The following TIMELESS variants were observed in gnomAD, a reference collection of about 807,000 sequenced individuals.
The protein encoded by TIMELESS is timeless circadian regulator, also known as protein timeless homolog.
Under a neutral mutation model 164.3 loss-of-function variants are expected in TIMELESS, and 124 were observed. The observed-to-expected ratio is 0.75, with a 90% CI of 0.65 to 0.88. The LOEUF is 0.88. TIMELESS is among the 40% of genes least tolerant of loss of function. The probability of loss-of-function intolerance (pLI) is 0.00; values close to 1 mark genes in which losing one functional copy is unlikely to be tolerated. For synonymous variants in TIMELESS, 564 were observed against 563.4 expected, an observed-to-expected ratio of 1.00 and a Z score of -0.02; for missense variants, 1,422 against 1,491.4, an observed-to-expected ratio of 0.95 and a Z score of 0.77.
In TIMELESS at chr12:56,421,994, G is replaced by A. The variant is rs567693904; in HGVS notation, c.2547C>T (p.Ile849=). The A allele has an allele frequency of 4.3e-6, 7 of 1,614,190 alleles. No individual in the cohort carries two copies. The Admixed American group carries it at 1.0e-4, about 23-fold the overall frequency. The stretch of plus-strand genomic sequence containing the variant: ...GAGGAACAGTATTCAGGTGGGCCAA[G>A]ATGGCTTCCACCACATCCTGCCCTG... ...DVEGQDVVEA[I]LAHLNTVPRT... The change falls in exon 21 of 29, where the codon ATC becomes ATT. Residue 849 remains isoleucine (I), a synonymous_variant. Coordinates refer to ENST00000553532, the MANE Select transcript of TIMELESS (RefSeq NM_003920.5).
In TIMELESS at chr12:56,421,489, G is replaced by A. The variant is rs764532238; in HGVS notation, c.2730C>T (p.Val910=). The change falls in exon 23 of 29, where the codon GTC becomes GTT. Residue 910 remains valine (V), a synonymous_variant. Transcript: ENST00000553532. ...LFEEFRDSDD[V]LGHIMKNITA... ...TGATATTCTTCATGATATGACCCAG[G>A]ACATCTATAAAAAGCAAGCATGTGA... 1.9e-6 allele frequency: 3 copies of A among 1,610,108 alleles called. No individual in the cohort carries two copies. Among genetic ancestry groups the A allele is most frequent in the Middle Eastern group, 3.3e-4 (2 of 6,046 alleles).
chr12:56,441,705 A>C (rs1868276177), intron 1 of TIMELESS, among the ~76,000 whole-genome samples: 1 of 151,046 alleles, frequency 6.6e-6, no homozygotes, highest in Non-Finnish European at 1.5e-5. Context: ...CAGACTCTAT[A>C]GTCAGTTACT....
chr12:56,441,182 T>A lies in TIMELESS; in HGVS notation c.-61-6951A>T, dbSNP rs544007219. The stretch of plus-strand genomic sequence containing the variant: ...TGTATTCTCTATGTCTTTTTAAATG[T>A]TATTTTTCTAGTAATTTTATTTTAC... On this transcript the variant is annotated intron_variant, in intron 1 of 28. Coordinates refer to ENST00000553532, the MANE Select transcript of TIMELESS (RefSeq NM_003920.5). 3.9e-5 allele frequency among the ~76,000 whole-genome samples: 6 copies of A among 152,358 alleles called. No individual in the cohort carries two copies. In the East Asian group the frequency reaches 1.2e-3, roughly 29 times the overall value.
chr12:56,434,325 C>T, intron 1 of TIMELESS, 94 bp from the exon 2 acceptor site: 1 of 636,892 alleles, frequency 1.6e-6, no homozygotes, highest in East Asian at 2.8e-5. Context: ...ATATTCTGAA[C>T]AAGATCCTCA....
In TIMELESS at chr12:56,425,010, C is replaced by CAG; in HGVS notation, c.1716+4_1716+5insCT. 1 of 1,614,186 alleles carries CAG rather than the reference C, an allele frequency of 6.2e-7. No individual in the cohort carries two copies. The highest frequency in any genetic ancestry group is 8.5e-7 in the Non-Finnish European group (1 of 1,180,008). On this transcript the variant is annotated splice_donor_region_variant and intron_variant, in intron 14 of 28. Coordinates refer to ENST00000553532, the MANE Select transcript of TIMELESS (RefSeq NM_003920.5). The stretch of plus-strand genomic sequence containing the variant: ...AAAAAAGACAGGGTTTCTGTAACCA[C>CAG]CTACCTGGGCACAGCACTGTAGCTG...
chr12:56,425,156 T>TG lies in TIMELESS; in HGVS notation c.1579-5dup. Reference sequence around the variant, plus strand: ...TCCTTCTCTTCTTTTGTTTGTTCTGTGGGGAAAGAATTGTATTAGGATGTC... The same window carrying TG: ...TCCTTCTCTTCTTTTGTTTGTTCTGTGGGGGAAAGAATTGTATTAGGATGTC... On this transcript the variant is annotated splice_region_variant and splice_polypyrimidine_tract_variant and intron_variant, in intron 13 of 28. Transcript: ENST00000553532. 1 of 1,611,648 alleles carries TG rather than the reference T, an allele frequency of 6.2e-7. No homozygotes were observed. Among genetic ancestry groups the TG allele is most frequent in the Non-Finnish European group, 8.5e-7 (1 of 1,179,528 alleles).
chr12:56,429,483 C>A (rs988458758), intron 10 of TIMELESS, among the ~76,000 whole-genome samples: 1 of 147,208 alleles, frequency 6.8e-6, no homozygotes, highest in African/African-American at 2.5e-5. Flanking sequence ...CAGGCGTGAG[C>A]CACTGCGCCT....
At chr12:56,423,015 T>A (rs759974013) in intron 18 of TIMELESS, 23 bp from the exon 19 acceptor site, 3 of 1,609,858 alleles carry the variant, frequency 1.9e-6, no homozygotes. Context: ...GAGGTTACTA[T>A]GAGGCCTCTC....
intron 10 of TIMELESS, among the ~76,000 whole-genome samples, chr12:56,429,685 A>ATTTTT (rs1193861112): frequency 9.8e-6 from 1 of 101,840 alleles, no homozygotes; most frequent in Non-Finnish European, 2.1e-5. Flanking sequence ...TTTTTTTTGT[A>ATTTTT]TTTTTTTTTT....
chr12:56,437,230 A>C (rs1882101991), intron 1 of TIMELESS, among the ~76,000 whole-genome samples: 1 of 152,166 alleles, frequency 6.6e-6, no homozygotes, highest in African/African-American at 2.4e-5. Context: ...CGCCCAGCCA[A>C]GCATGCAATA....
In TIMELESS at chr12:56,433,076, G is replaced by A. The variant is rs1444260568; in HGVS notation, c.481C>T (p.Leu161=). ...EDNLLIERIL[L]LVRNILHVPA... ...ACATGGAGAATATTTCTGACCAGCA[G>A]TAGGATCCGTTCAATCAGCAAGTTG... Residue 161 remains leucine (L), a synonymous_variant, in exon 6 of 29, where the codon CTG becomes TTG. Coordinates refer to ENST00000553532, the MANE Select transcript of TIMELESS (RefSeq NM_003920.5). The A allele has an allele frequency of 6.2e-7, 1 of 1,613,912 alleles. No individual in the cohort carries two copies. Among genetic ancestry groups the A allele is most frequent in the African/African-American group, 1.3e-5 (1 of 74,996 alleles).
Position 56,420,703 on chromosome 12 carries a change from T to G in TIMELESS, c.3110-16A>C. ...TGGGAGCAGCCTAAGACAGGGTCAA[T>G]AGTCATATGGTGAAGATATAAGGGA... On this transcript the variant is annotated splice_polypyrimidine_tract_variant and intron_variant, in intron 25 of 28. Coordinates refer to ENST00000553532, the MANE Select transcript of TIMELESS (RefSeq NM_003920.5). 6.2e-7 allele frequency: 1 copy of G among 1,613,950 alleles called. No individual in the cohort carries two copies. The highest frequency in any genetic ancestry group is 8.5e-7 in the Non-Finnish European group (1 of 1,179,818).
In TIMELESS at chr12:56,420,839, C is replaced by T. The variant is rs763159822; in HGVS notation, c.3083G>A (p.Arg1028Gln). 11 of 1,614,162 alleles carry T rather than the reference C, an allele frequency of 6.8e-6. No homozygotes were observed. The highest frequency in any genetic ancestry group is 4.5e-5 in the East Asian group (2 of 44,888). Residue 1028 changes from arginine to glutamine, a missense_variant, in exon 25 of 29, where the codon CGA (arginine) becomes CAA (glutamine). By Grantham distance (43) the Arg-to-Gln change is conservative. Transcript: ENST00000553532. Reference sequence around the variant, plus strand: ...ATCCTCTTCCCGATCATCAGCTGCTCGGATCAGGCAGTTCTGGAGCCATAG... The same window carrying T: ...ATCCTCTTCCCGATCATCAGCTGCTTGGATCAGGCAGTTCTGGAGCCATAG... ...PLLWLQNCLI[R>Q]AADDREEDGC...
chr12:56,430,658 T>A (rs183532466), intron 9 of TIMELESS, among the ~76,000 whole-genome samples: 1 of 152,262 alleles, frequency 6.6e-6, no homozygotes, highest in East Asian at 1.9e-4. Flanking sequence ...TGAGCCATTG[T>A]ACCCAACCTT....
chr12:56,437,519 T>C (rs1020947213), intron 1 of TIMELESS, among the ~76,000 whole-genome samples: 20 of 151,314 alleles, frequency 1.3e-4, no homozygotes, highest in African/African-American at 4.4e-4. Context: ...GGAAGCAGAA[T>C]ACAGAAAATG....
At chr12:56,422,786 T>C (rs1881537214) in intron 19 of TIMELESS, 61 bp downstream of exon 19, 2 of 1,530,206 alleles carry the variant, frequency 1.3e-6, no homozygotes, top group East Asian at 2.3e-5. Context: ...GCTTTGACAT[T>C]CTGTGACTCT....
chr12:56,422,763 C>T lies in TIMELESS; in HGVS notation c.2438+84G>A. 3.5e-6 allele frequency: 5 copies of T among 1,428,266 alleles called. No individual in the cohort carries two copies. The South Asian group carries it at 6.7e-5, about 19-fold the overall frequency. 88.5% of individuals were successfully genotyped at this position (1,428,266 alleles called of 1,614,324 possible). ...AAGAAACAGTGGGCTAAATGACATG[C>T]AAGCTCTTAACAGCTTTGACATTCT... On this transcript the variant is annotated intron_variant, in intron 19 of 28. Transcript: ENST00000553532.
At chr12:56,443,309 C>T (rs921501634) in intron 1 of TIMELESS, among the ~76,000 whole-genome samples, 15 of 152,098 alleles carry the variant, frequency 9.9e-5, no homozygotes, top group East Asian at 3.8e-4. Flanking sequence ...GGCCTATAGA[C>T]GACTGCTCTG....
intron 10 of TIMELESS, 98 bp from the exon 11 acceptor site, chr12:56,429,198 T>C: frequency 1.7e-6 from 2 of 1,175,766 alleles, no homozygotes; most frequent in Non-Finnish European, 1.2e-6. Context: ...CTGGACACCG[T>C]CATAATTTTT....
Sources: allele counts gnomAD v4.1 joint callset (sites outside exome capture counted in the v4.1 genomes callset), GRCh38; gene constraint gnomAD v4.1.1; transcripts MANE v1.5; gene names NCBI Gene and HGNC (gene_info 2026-07-23, HGNC 2026-07-21).